LRPAP1: variants seen among roughly 807,000 people sequenced by gnomAD.
LRPAP1 encodes alpha-2-macroglobulin receptor-associated protein.
LRPAP1 carries 41 observed loss-of-function variants against 39.9 expected under a neutral mutation model. The ratio of observed to expected loss-of-function variants is 1.03; its 90% CI spans 0.80 to 1.33. The LOEUF (loss-of-function observed/expected upper bound fraction) is 1.33, where lower values mean the gene tolerates loss of function less well. Among genes scored for constraint, LRPAP1 ranks in the 40% most tolerant of loss-of-function variants. The pLI, the probability that LRPAP1 is intolerant of heterozygous loss-of-function variation, is 0.00. For synonymous variants in LRPAP1, 263 were observed against 212.7 expected (o/e 1.24, Z -2.06); for missense variants, 565 against 482.3 (o/e 1.17, Z -1.61).
At chr4:3,525,132 G>A (rs1367045587) in intron 1 of LRPAP1, 81 bp from the exon 2 acceptor site, 3 of 1,553,196 alleles carry the variant, frequency 1.9e-6, no homozygotes, top group East Asian at 2.3e-5. Context: ...GGAGGAGGCT[G>A]GCCACCGGGA....
At position 3,516,209 on chromosome 4, in the gene LRPAP1, G is replaced by A; in HGVS notation, c.752-11C>T. ...TGGGCTCCTCGAACTCTGCAGGGGA[G>A]GAGCAAGAGTGGCCTCAGCAGCACC... On this transcript the variant is annotated splice_polypyrimidine_tract_variant and intron_variant, in intron 5 of 7. Transcript: ENST00000650182. The A allele has an allele frequency of 2.6e-6, 4 of 1,561,048 alleles. No individual in the cohort carries two copies. The highest frequency in any genetic ancestry group is 2.6e-6 in the Non-Finnish European group (3 of 1,152,422).
rs1214681858 is a variant in LRPAP1, at chr4:3,504,884, T to C, written c.*8090A>G. ...ATCGCATGAACCTGGGAGGCAGAGG[T>C]TGCAGTGAGCCGAGATCGCACCAAC... On this transcript the variant is annotated 3_prime_UTR_variant, in exon 8 of 8. Transcript: ENST00000650182. Among the ~76,000 whole-genome samples the C allele has an allele frequency of 6.6e-6, 1 of 150,874 alleles. No individual in the cohort carries two copies. Among genetic ancestry groups the C allele is most frequent in the Non-Finnish European group, 1.5e-5 (1 of 67,804 alleles).
chr4:3,527,916 G>A (rs982901509), intron 1 of LRPAP1, among the ~76,000 whole-genome samples: 3 of 152,226 alleles, frequency 2.0e-5, no homozygotes, highest in African/African-American at 7.2e-5. Flanking sequence ...AACCCACAGG[G>A]GAAAGTCATT....
intron 7 of LRPAP1, among the ~76,000 whole-genome samples, chr4:3,513,591 A>G (rs1741552): frequency 0.71 from 107,718 of 152,060 alleles, 38,543 homozygotes; most frequent in East Asian, 0.93. Context: ...TTACAGGTGT[A>G]AGCCACTGTG....
At chr4:3,527,078 G>T (rs1482577350) in intron 1 of LRPAP1, among the ~76,000 whole-genome samples, 1 of 151,982 alleles carries the variant, frequency 6.6e-6, no homozygotes, top group Non-Finnish European at 1.5e-5. Flanking sequence ...TCCCAGGACA[G>T]TCTTTTGTCT....
intron 1 of LRPAP1, among the ~76,000 whole-genome samples, chr4:3,529,338 A>ACAAAAAAC (rs1560262648): frequency 6.6e-6 from 1 of 151,778 alleles, no homozygotes; most frequent in African/African-American, 2.4e-5. Flanking sequence ...AAACAAAAAA[A>ACAAAAAAC]CAAAAAACCA....
At chr4:3,523,590 G>A (rs1577209599) in intron 2 of LRPAP1, among the ~76,000 whole-genome samples, 1 of 152,136 alleles carries the variant, frequency 6.6e-6, no homozygotes, top group Admixed American at 6.5e-5. Flanking sequence ...TGCACTACTC[G>A]GCTCTGCAAC....
At position 3,518,123 on chromosome 4, in the gene LRPAP1, T is replaced by C; in HGVS notation, c.662A>G (p.His221Arg). The part of the protein sequence containing the change: ...DIKGSVLHSR[H>R]TELKEKLRSI... ...GCGCAGCTTCTCCTTCAGCTCCGTG[T>C]GCCTGCTGTGCAGGACGCTGCCCTT... The change falls in exon 5 of 8, where the codon CAC becomes CGC. Residue 221 changes from histidine (H) to arginine (R), a missense_variant. Physicochemically the swap from His to Arg is conservative, Grantham distance 29. Coordinates refer to ENST00000650182, the MANE Select transcript of LRPAP1 (RefSeq NM_002337.4). 6.2e-7 allele frequency: 1 copy of C among 1,613,662 alleles called. No individual in the cohort carries two copies. Among genetic ancestry groups the C allele is most frequent in the Non-Finnish European group, 8.5e-7 (1 of 1,179,992 alleles).
chr4:3,523,042 G>C (rs16844539), intron 2 of LRPAP1, among the ~76,000 whole-genome samples: 1 of 152,156 alleles, frequency 6.6e-6, no homozygotes, highest in Non-Finnish European at 1.5e-5. Context: ...CTTCTGGGAC[G>C]CCGGCTCCTA....
intron 2 of LRPAP1, among the ~76,000 whole-genome samples, chr4:3,522,496 G>A (rs967688458): frequency 7.4e-4 from 36 of 48,914 alleles, no homozygotes; most frequent in African/African-American, 1.6e-3. Flanking sequence ...GGATGAACAC[G>A]GCCCCACACT....
rs909536315 is a variant in LRPAP1 at position 3,525,627 on chromosome 4, G to A, written c.205-576C>T. Among the ~76,000 whole-genome samples, 19 of 152,202 alleles carry A rather than the reference G, an allele frequency of 1.2e-4. No homozygotes were observed. In the East Asian group the frequency reaches 2.7e-3, roughly 22 times the overall value. On this transcript the variant is annotated intron_variant, in intron 1 of 7. Transcript: ENST00000650182. ...GTCACCCTCTCACTTACCTGCTGGC[G>A]TAGACCACACAGGCAGCGCCCCGGA...
At chr4:3,523,571 A>G (rs1041636799) in intron 2 of LRPAP1, among the ~76,000 whole-genome samples, 1 of 152,180 alleles carries the variant, frequency 6.6e-6, no homozygotes. Flanking sequence ...CCTGACTCCA[A>G]ATCTTTGCTG....
At position 3,507,554 on chromosome 4, in the gene LRPAP1, T is replaced by A. The variant is rs974171843; in HGVS notation, c.*5420A>T. The A allele has an allele frequency of 6.6e-6, 1 of 152,238 alleles. No individual in the cohort carries two copies. The highest frequency in any genetic ancestry group is 1.5e-5 in the Non-Finnish European group (1 of 68,034). 9.4% of individuals were successfully genotyped at this position (152,238 alleles called of 1,614,324 possible). A position where few individuals can be genotyped will look rare whatever the true frequency, so the allele number is the denominator to read the frequency against. On this transcript the variant is annotated 3_prime_UTR_variant, in exon 8 of 8. Coordinates refer to ENST00000650182, the MANE Select transcript of LRPAP1 (RefSeq NM_002337.4). ...CCTCGTCCATTTTTAAAAGATTCCA[T>A]GCGTGCTTAAGAATGTTTTCTCTAA...
At chr4:3,527,558 C>T (rs924612184) in intron 1 of LRPAP1, among the ~76,000 whole-genome samples, 2 of 152,242 alleles carry the variant, frequency 1.3e-5, no homozygotes, top group Non-Finnish European at 2.9e-5. Context: ...GCTGCACTGC[C>T]CGGGAGGGTC....
chr4:3,510,784 C>A lies in LRPAP1; in HGVS notation c.*2190G>T, dbSNP rs1051440362. On this transcript the variant is annotated 3_prime_UTR_variant, in exon 8 of 8. Transcript: ENST00000650182. ...ACACAGACGCACGCAAAGACACAGA[C>A]TGCCCAGAGCCATGCACGTGGAACC... The A allele has an allele frequency of 6.6e-6, 1 of 152,308 alleles. No individual in the cohort carries two copies. Among genetic ancestry groups the A allele is most frequent in the African/African-American group, 2.4e-5 (1 of 41,470 alleles). The allele number at this position is 152,308 out of a possible 1,614,324, so 9.4% of individuals were successfully genotyped here. A position where few individuals can be genotyped will look rare whatever the true frequency, so the allele number is the denominator to read the frequency against.
At position 3,514,874 on chromosome 4, in the gene LRPAP1, G is replaced by A; in HGVS notation, c.889C>T (p.Gln297Ter). 2 of 1,613,910 alleles carry A rather than the reference G, an allele frequency of 1.2e-6. No individual in the cohort carries two copies. The highest frequency in any genetic ancestry group is 1.7e-6 in the Non-Finnish European group (2 of 1,179,920). ...KIEKHNHYQK[Q>*]LEIAHEKLRH... The stretch of plus-strand genomic sequence containing the variant: ...AGCTTCTCGTGCGCAATCTCCAGCT[G>A]CTTCTGGTAGTGGTTGTGCTTCTCG... Residue 297 changes from glutamine to a stop codon, truncating the protein, a stop_gained, in exon 7 of 8, where the codon CAG (glutamine) becomes TAG (stop). Coordinates refer to ENST00000650182, the MANE Select transcript of LRPAP1 (RefSeq NM_002337.4). LOFTEE classifies it high-confidence loss of function.
At chr4:3,519,671 G>A (rs1407304008) in intron 3 of LRPAP1, among the ~76,000 whole-genome samples, 1 of 152,204 alleles carries the variant, frequency 6.6e-6, no homozygotes, top group Non-Finnish European at 1.5e-5. Context: ...CCCAGGCACA[G>A]GGTGAAAGCC....
At chr4:3,518,774 A>T in intron 4 of LRPAP1, 97 bp downstream of exon 4, 5 of 773,634 alleles carry the variant, frequency 6.5e-6, no homozygotes, top group South Asian at 1.8e-5. Flanking sequence ...AGGGGAGCTG[A>T]GGCTGCCCAC....
Position 3,532,241 on chromosome 4 carries a change from TCTC to T in LRPAP1, c.169_171del (p.Glu57del). The T allele has an allele frequency of 6.4e-7, 1 of 1,551,250 alleles. No individual in the cohort carries two copies. Among genetic ancestry groups the T allele is most frequent in the East Asian group, 2.4e-5 (1 of 40,974 alleles). ...GCCTTCTCCCACAGCTGGTTCAACT[TCTC>T]CATGCGGAACTCCTCTCCGGACTCG... On this transcript the variant is annotated inframe_deletion, in exon 1 of 8. Coordinates refer to ENST00000650182, the MANE Select transcript of LRPAP1 (RefSeq NM_002337.4).
Sources: allele counts gnomAD v4.1 joint callset (sites outside exome capture counted in the v4.1 genomes callset), GRCh38; gene constraint gnomAD v4.1.1; transcripts MANE v1.5; gene names NCBI Gene and HGNC (gene_info 2026-07-23, HGNC 2026-07-21).